The following TRIM41 variants were observed in gnomAD, a reference collection of about 807,000 sequenced individuals.
The protein encoded by TRIM41 is tripartite motif containing 41.
TRIM41 carries 21 observed loss-of-function variants against 60.6 expected under a neutral mutation model. That is an observed-to-expected ratio of 0.35 (90% CI 0.25 to 0.50). TRIM41 has a LOEUF of 0.50. TRIM41 is among the 20% of genes least tolerant of loss of function. TRIM41 has a pLI of 0.98. For synonymous variants in TRIM41, 407 were observed against 344.9 expected (o/e 1.18, Z -2.00); for missense variants, 846 against 868.3 (o/e 0.97, Z 0.32).
chr5:181,232,942 A>G, intron 3 of TRIM41, 53 bp downstream of exon 3: 1 of 1,510,872 alleles, frequency 6.6e-7, no homozygotes, highest in Non-Finnish European at 8.9e-7. Flanking sequence ...GCTGTCAGGC[A>G]GTGCTTACCA....
chr5:181,234,489 G>A lies in TRIM41; in HGVS notation c.1607G>A (p.Arg536Gln), dbSNP rs749076720. 3.3e-5 allele frequency: 53 copies of A among 1,613,578 alleles called. No homozygotes were observed. Among genetic ancestry groups the A allele is most frequent in the African/African-American group, 4.0e-5 (3 of 74,906 alleles). Residue 536 changes from arginine to glutamine, a missense_variant, in exon 6 of 6, where the codon CGG becomes CAG. By Grantham distance (43) the Arg-to-Gln change is conservative. Coordinates refer to ENST00000315073, the MANE Select transcript of TRIM41 (RefSeq NM_033549.5). The surrounding 1 kb of genome is among the most constrained non-coding windows in gnomAD (Gnocchi z 5.6). ...SSSRHHHRRR[R>Q]LHLPQQPLLQ... ...TCGCGCCATCACCATCGCCGCCGCCGGCTCCACCTGCCCCAGCAGCCCCTG... is the reference window on the plus strand; with the variant it reads ...TCGCGCCATCACCATCGCCGCCGCCAGCTCCACCTGCCCCAGCAGCCCCTG...
At chr5:181,230,670 G>A (rs1043951851) in intron 1 of TRIM41, 74 bp from the exon 2 acceptor site, 2 of 1,233,690 alleles carry the variant, frequency 1.6e-6, no homozygotes, top group African/African-American at 1.5e-5. Context: ...CTTGCTATAG[G>A]GAGGATTGCA....
chr5:181,224,926 G>A (rs780503375), intron 1 of TRIM41, 114 bp downstream of exon 1: 7 of 1,448,202 alleles, frequency 4.8e-6, no homozygotes, highest in South Asian at 3.6e-5. Context: ...TGGTATTGGT[G>A]AGCCAAGTTT....
chr5:181,232,916 C>G, intron 3 of TRIM41, 27 bp downstream of exon 3: 1 of 1,534,250 alleles, frequency 6.5e-7, no homozygotes, highest in Non-Finnish European at 8.7e-7. Context: ...CCCTGTTCCC[C>G]CAGCATTCTG....
Position 181,235,102 on chromosome 5 carries a change from A to G in TRIM41, c.*327A>G. ...TGAGTAGGGGATGAGGGGAAATTGT[A>G]ATTTCATTCCTTAACTTCCTTTTCC... On this transcript the variant is annotated 3_prime_UTR_variant, in exon 6 of 6. Coordinates refer to ENST00000315073, the MANE Select transcript of TRIM41 (RefSeq NM_033549.5). 2 of 1,601,880 alleles carry G rather than the reference A, an allele frequency of 1.2e-6. No individual in the cohort carries two copies. Among genetic ancestry groups the G allele is most frequent in the Non-Finnish European group, 1.7e-6 (2 of 1,174,538 alleles).
chr5:181,232,898 T>C lies in TRIM41; in HGVS notation c.1140+9T>C. The C allele has an allele frequency of 6.5e-7, 1 of 1,537,836 alleles. No individual in the cohort carries two copies. The highest frequency in any genetic ancestry group is 8.7e-7 in the Non-Finnish European group (1 of 1,146,386). ...GTCTCCGGCTGCTCCAGGTGAGCAATGTCCCCTCCCTGTTCCCCCAGCATT... is the reference window on the plus strand; with the variant it reads ...GTCTCCGGCTGCTCCAGGTGAGCAACGTCCCCTCCCTGTTCCCCCAGCATT... On this transcript the variant is annotated intron_variant, in intron 3 of 5. Transcript: ENST00000315073.
rs1355541308 is a variant in TRIM41 at position 181,224,071 on chromosome 5, C to A, written c.72C>A (p.Leu24=). 1 of 1,614,144 alleles carries A rather than the reference C, an allele frequency of 6.2e-7. No individual in the cohort carries two copies. Among genetic ancestry groups the A allele is most frequent in the Admixed American group, 1.7e-5 (1 of 60,014 alleles). ...LQEEAVCAIC[L]DYFTDPVSIG... ...AGGAGGCGGTGTGCGCCATCTGCCT[C>A]GATTACTTCACGGACCCCGTGTCCA... Residue 24 remains leucine (L), a synonymous_variant, in exon 1 of 6, where the codon CTC becomes CTA. Coordinates refer to ENST00000315073, the MANE Select transcript of TRIM41 (RefSeq NM_033549.5).
chr5:181,235,515 C>T lies in TRIM41; in HGVS notation c.*740C>T. On this transcript the variant is annotated 3_prime_UTR_variant, in exon 6 of 6. Transcript: ENST00000315073. ...CCAAGGAGCAAAGCTCATCCCACCC[C>T]ACACCCCTCCCAGGTCTGCTCACTG... is the stretch of plus-strand genomic sequence containing the variant. 7.4e-7 allele frequency: 1 copy of T among 1,343,436 alleles called. No homozygotes were observed. Among genetic ancestry groups the T allele is most frequent in the Admixed American group, 2.0e-5 (1 of 50,242 alleles). The allele number at this position is 1,343,436 out of a possible 1,614,324, so 83.2% of individuals were successfully genotyped here.
intron 1 of TRIM41, chr5:181,225,398 T>G: frequency 6.1e-6 from 1 of 162,822 alleles, no homozygotes; most frequent in South Asian, 1.5e-4. Context: ...TTGTCAAATC[T>G]TGATTAAGTC....
At position 181,223,717 on chromosome 5, in the gene TRIM41, G is replaced by A. The variant is rs148804409; in HGVS notation, c.-283G>A. ...GAGGAGGGGCGGGGGTTTATGAGGA[G>A]TCCAAGGGAGCATTGGGGCAGACTT... On this transcript the variant is annotated 5_prime_UTR_variant, in exon 1 of 6. Coordinates refer to ENST00000315073, the MANE Select transcript of TRIM41 (RefSeq NM_033549.5). 19 of 574,504 alleles carry A rather than the reference G, an allele frequency of 3.3e-5. No individual in the cohort carries two copies. In the East Asian group the frequency reaches 5.4e-4, roughly 16 times the overall value. The allele number at this position is 574,504 out of a possible 1,614,324, so 35.6% of individuals were successfully genotyped here. A position where few individuals can be genotyped will look rare whatever the true frequency, so the allele number is the denominator to read the frequency against.
chr5:181,223,295 C>G lies in TRIM41; in HGVS notation c.-705C>G, dbSNP rs1339790494. 1 of 399,138 alleles carries G rather than the reference C, an allele frequency of 2.5e-6. No homozygotes were observed. Among genetic ancestry groups the G allele is most frequent in the Non-Finnish European group, 4.4e-6 (1 of 226,434 alleles). The allele number at this position is 399,138 out of a possible 1,614,324, so 24.7% of individuals were successfully genotyped here. A position where few individuals can be genotyped will look rare whatever the true frequency, so the allele number is the denominator to read the frequency against. On this transcript the variant is annotated 5_prime_UTR_variant, in exon 1 of 6. Transcript: ENST00000315073. ...CCCACCCCCTCGCTTCCGGCATCGG[C>G]TGTGGGGAGTACCGGCTGCAGTCGG...
At position 181,224,646 on chromosome 5, in the gene TRIM41, G is replaced by A. The variant is rs1218009236; in HGVS notation, c.647G>A (p.Gly216Asp). 6.2e-7 allele frequency: 1 copy of A among 1,614,232 alleles called. No individual in the cohort carries two copies. Among genetic ancestry groups the A allele is most frequent in the African/African-American group, 1.3e-5 (1 of 75,060 alleles). Residue 216 changes from glycine (G) to aspartate (D), a missense_variant, in exon 1 of 6, where the codon GGT becomes GAT. Gly to Asp is a moderately conservative substitution (Grantham distance 94). Coordinates refer to ENST00000315073, the MANE Select transcript of TRIM41 (RefSeq NM_033549.5). ...ATTCGGCAGATGCACCCAACCCCTG[G>A]TCGAGGGAGCCGCGTGACCGATCAG... ...QVIRQMHPTP[G>D]RGSRVTDQGI...
chr5:181,232,936 TCAGG>T (rs1404787187), intron 3 of TRIM41, 47 bp downstream of exon 3: 2 of 1,521,238 alleles, frequency 1.3e-6, no homozygotes, highest in South Asian at 2.4e-5. Context: ...GTGTTGGCTG[TCAGG>T]CAGTGCTTAC....
intron 1 of TRIM41, 151 bp from the exon 2 acceptor site, chr5:181,230,593 A>T: frequency 1.8e-6 from 1 of 549,480 alleles, no homozygotes; most frequent in Non-Finnish European, 3.3e-6. Flanking sequence ...TGAAAGAAGA[A>T]AGTGGAGGAA....
In TRIM41 at chr5:181,235,396, T is replaced by C. The variant is rs762105849; in HGVS notation, c.*621T>C. ...TTCACTTGAGAGAGATCTGGAATGG[T>C]CGCCATGATTGAAACCACGCACCAT... On this transcript the variant is annotated 3_prime_UTR_variant, in exon 6 of 6. Coordinates refer to ENST00000315073, the MANE Select transcript of TRIM41 (RefSeq NM_033549.5). The C allele has an allele frequency of 7.4e-6, 12 of 1,614,078 alleles. No individual in the cohort carries two copies. The African/African-American group carries it at 9.3e-5, about 13-fold the overall frequency.
intron 3 of TRIM41, 32 bp downstream of exon 3, chr5:181,232,921 A>G: frequency 6.5e-7 from 1 of 1,532,690 alleles, no homozygotes; most frequent in Non-Finnish European, 8.8e-7. Context: ...TTCCCCCAGC[A>G]TTCTGTGTTG....
Position 181,224,253 on chromosome 5 carries a change from C to T in TRIM41, c.254C>T (p.Pro85Leu). The change falls in exon 1 of 6, where the codon CCC (proline) becomes CTC (leucine). Residue 85 changes from proline (P) to leucine (L), a missense_variant. Physicochemically the swap from Pro to Leu is moderately conservative, Grantham distance 98 (BLOSUM62 -3). Transcript: ENST00000315073. Reference sequence around the variant, plus strand: ...GGGGCTGGCGCGGGGTGGGACACCCCCATGCGGGATGAAGACTACGAGGGT... The same window carrying T: ...GGGGCTGGCGCGGGGTGGGACACCCTCATGCGGGATGAAGACTACGAGGGT... The part of the protein sequence containing the change: ...AVGAGAGWDT[P>L]MRDEDYEGDM... 1 of 1,613,384 alleles carries T rather than the reference C, an allele frequency of 6.2e-7. No homozygotes were observed. The highest frequency in any genetic ancestry group is 8.5e-7 in the Non-Finnish European group (1 of 1,179,796).
intron 1 of TRIM41, chr5:181,225,152 G>C: frequency 2.9e-6 from 1 of 344,768 alleles, no homozygotes; most frequent in East Asian, 6.5e-5. Flanking sequence ...ACCTAGAGAT[G>C]GAAAGAACTG....
chr5:181,233,612 C>G lies in TRIM41; in HGVS notation c.1164-24C>G. 1.9e-6 allele frequency: 3 copies of G among 1,613,396 alleles called. No individual in the cohort carries two copies. The South Asian group carries it at 3.3e-5, about 18-fold the overall frequency. On this transcript the variant is annotated intron_variant, in intron 4 of 5. Transcript: ENST00000315073. The surrounding 1 kb of genome is among the most constrained non-coding windows in gnomAD (Gnocchi z 4.1). Reference sequence around the variant, plus strand: ...CCTCTGGGAATATCGTGGTCCCACCCCCTGCCCGGTCCCCTTCCTCCAGGT... The same window carrying G: ...CCTCTGGGAATATCGTGGTCCCACCGCCTGCCCGGTCCCCTTCCTCCAGGT...
Sources: allele counts gnomAD v4.1 joint callset, GRCh38; gene constraint gnomAD v4.1.1; non-coding constraint Gnocchi (gnomAD v3.1); transcripts MANE v1.5; gene names NCBI Gene and HGNC (gene_info 2026-07-23, HGNC 2026-07-21).